CLNK: variants seen among roughly 807,000 people sequenced by gnomAD.
The protein encoded by CLNK is cytokine dependent hematopoietic cell linker.
In CLNK, 74 loss-of-function variants were observed where a neutral mutation model predicts 68.6. That is an observed-to-expected ratio of 1.08 (90% CI 0.89 to 1.31). The LOEUF (loss-of-function observed/expected upper bound fraction) is 1.31, where lower values mean the gene tolerates loss of function less well. Among genes scored for constraint, CLNK ranks in the 50% most tolerant of loss-of-function variants. The pLI is 0.00. For synonymous variants in CLNK, 198 were observed against 172.2 expected (o/e 1.15, Z -1.17); for missense variants, 553 against 515.3 (o/e 1.07, Z -0.71).
chr4:10,508,883 C>T (rs927306936), intron 16 of CLNK, among the ~76,000 whole-genome samples: 13 of 151,946 alleles, frequency 8.6e-5, no homozygotes, highest in South Asian at 4.2e-4. Flanking sequence ...CCAAGGCGGG[C>T]GGATCACAAG....
At chr4:10,668,110 T>C (rs1724479682) in intron 1 of CLNK, among the ~76,000 whole-genome samples, 199 bp from the exon 2 acceptor site, 1 of 152,212 alleles carries the variant, frequency 6.6e-6, no homozygotes. Flanking sequence ...TCTGACAGGC[T>C]GTCCTCTTTC....
chr4:10,560,456 G>A (rs1719843176), intron 7 of CLNK, among the ~76,000 whole-genome samples: 1 of 151,990 alleles, frequency 6.6e-6, no homozygotes, highest in Non-Finnish European at 1.5e-5. Flanking sequence ...GTCTCACTCT[G>A]TCGCTCCGGC....
chr4:10,647,690 C>T (rs1723564269), intron 2 of CLNK, among the ~76,000 whole-genome samples: 1 of 152,088 alleles, frequency 6.6e-6, no homozygotes, highest in South Asian at 2.1e-4. Context: ...TGAGGCCTTT[C>T]CTATATATCC....
chr4:10,675,072 C>T (rs1724816245), intron 1 of CLNK, among the ~76,000 whole-genome samples: 1 of 152,120 alleles, frequency 6.6e-6, no homozygotes, highest in Non-Finnish European at 1.5e-5. Context: ...TGGATGGATG[C>T]AGCAAACCAC....
At chr4:10,603,691 G>C (rs1247610150) in intron 2 of CLNK, among the ~76,000 whole-genome samples, 4 of 152,356 alleles carry the variant, frequency 2.6e-5, no homozygotes, top group Non-Finnish European at 4.4e-5. Flanking sequence ...GGGAATGAGG[G>C]CTCTTCTGAG....
intron 1 of CLNK, among the ~76,000 whole-genome samples, chr4:10,675,742 C>T (rs1724845577): frequency 1.3e-5 from 2 of 151,916 alleles, no homozygotes; most frequent in South Asian, 2.1e-4. Flanking sequence ...TACAAGATAC[C>T]TTCTAGATAT....
chr4:10,674,732 C>T (rs577466319), intron 1 of CLNK, among the ~76,000 whole-genome samples: 1 of 152,136 alleles, frequency 6.6e-6, no homozygotes, highest in African/African-American at 2.4e-5. Flanking sequence ...AGCTTTGGGG[C>T]GGATGGTCTC....
chr4:10,491,683 C>T (rs1425652722), intron 18 of CLNK, among the ~76,000 whole-genome samples: 2 of 152,002 alleles, frequency 1.3e-5, no homozygotes, highest in Non-Finnish European at 2.9e-5. Flanking sequence ...GATAAGTAGA[C>T]AGGAGGGTTT....
the CLNK span, among the ~76,000 whole-genome samples, chr4:10,699,938 C>T: frequency 6.6e-6 from 1 of 151,058 alleles, no homozygotes; most frequent in South Asian, 2.1e-4. Context: ...TGTTATTTTC[C>T]TCTAATATTT....
intron 3 of CLNK, among the ~76,000 whole-genome samples, chr4:10,586,530 G>C (rs935874705): frequency 6.6e-6 from 1 of 151,650 alleles, no homozygotes; most frequent in Admixed American, 6.6e-5. Flanking sequence ...GGCCAGGATG[G>C]TCTCGATCTC....
chr4:10,490,483 T>A lies in CLNK; in HGVS notation c.1271A>T (p.His424Leu), dbSNP rs770516563. 1 of 1,613,322 alleles carries A rather than the reference T, an allele frequency of 6.2e-7. No individual in the cohort carries two copies. ...HLTQPLPLTR[H>L]LLPL ...AAGACCAGGCTACAGAGGCAAGAGG[T>A]GTCTGGTGAGAGGGAGTGGCTGAGT... Residue 424 changes from histidine (H) to leucine (L), a missense_variant, in exon 19 of 19, where the codon CAC becomes CTC. By Grantham distance (99) the His-to-Leu change is moderately conservative. Transcript: ENST00000226951.
chr4:10,723,286 C>T, the CLNK span, among the ~76,000 whole-genome samples: 2 of 152,288 alleles, frequency 1.3e-5, no homozygotes, highest in South Asian at 2.1e-4. Context: ...TGCTTCCAGA[C>T]CCTATTCTCT....
intron 2 of CLNK, among the ~76,000 whole-genome samples, chr4:10,642,290 G>A (rs1247387775): frequency 1.3e-5 from 2 of 152,188 alleles, no homozygotes; most frequent in African/African-American, 2.4e-5. Context: ...GCATCATGCA[G>A]AGATGGCCGA....
the CLNK span, among the ~76,000 whole-genome samples, chr4:10,710,804 T>G: frequency 6.6e-6 from 1 of 152,198 alleles, no homozygotes; most frequent in Non-Finnish European, 1.5e-5. Context: ...CATTGTCATC[T>G]CCTCACACTC....
chr4:10,599,303 C>T (rs1392648487), intron 2 of CLNK, among the ~76,000 whole-genome samples: 1 of 152,190 alleles, frequency 6.6e-6, no homozygotes. Flanking sequence ...GCTCTCTCTT[C>T]ATCTGGGATT....
At chr4:10,725,078 C>T in the CLNK span, among the ~76,000 whole-genome samples, 2 of 152,062 alleles carry the variant, frequency 1.3e-5, no homozygotes, top group Non-Finnish European at 2.9e-5. Flanking sequence ...AGTCTGTTTT[C>T]CTTGCGAAGG....
chr4:10,594,835 C>T (rs2108843421), intron 3 of CLNK, among the ~76,000 whole-genome samples: 1 of 152,290 alleles, frequency 6.6e-6, no homozygotes, highest in South Asian at 2.1e-4. Flanking sequence ...TGGCCCACAC[C>T]TGTAATCCCA....
At chr4:10,712,661 T>A in the CLNK span, among the ~76,000 whole-genome samples, 2 of 152,238 alleles carry the variant, frequency 1.3e-5, no homozygotes. Flanking sequence ...CACTGTTTCT[T>A]AGCTTGCTTT....
intron 16 of CLNK, among the ~76,000 whole-genome samples, chr4:10,511,830 C>G (rs1717596101): frequency 6.6e-6 from 1 of 152,052 alleles, no homozygotes; most frequent in South Asian, 2.1e-4. Flanking sequence ...CATGGGTGTA[C>G]AAATATCTGA....
Sources: gnomAD v4.1 joint callset for allele counts (sites outside exome capture counted in the v4.1 genomes callset) on GRCh38, gnomAD v4.1.1 for gene constraint, MANE v1.5 for transcripts, NCBI Gene and HGNC (gene_info 2026-07-23, HGNC 2026-07-21) for gene names.